The following ARHGEF12 variants were observed in gnomAD, a reference collection of about 807,000 sequenced individuals.
The protein encoded by ARHGEF12 is Rho guanine nucleotide exchange factor 12, also known as KMT2A/ARHGEF12 fusion protein.
Under a neutral mutation model 211.2 loss-of-function variants are expected in ARHGEF12, and 66 were observed. The ratio of observed to expected loss-of-function variants is 0.31; its 90% CI spans 0.26 to 0.38. The LOEUF is 0.38. Ranked by LOEUF, ARHGEF12 falls within the 10% of genes least tolerant of loss-of-function variation. The pLI is 1.00. For missense variants in ARHGEF12, 1,429 were observed against 1,869.5 expected (o/e 0.76, Z 4.34); for synonymous variants, 592 against 638.4 (o/e 0.93, Z 1.09).
At chr11:120,440,381 T>A (rs1176400432) in intron 13 of ARHGEF12, among the ~76,000 whole-genome samples, 160 bp downstream of exon 13, 1 of 152,194 alleles carries the variant, frequency 6.6e-6, no homozygotes, top group Non-Finnish European at 1.5e-5. Context: ...TATTTTAGCT[T>A]TGACCAACAG....
intron 15 of ARHGEF12, among the ~76,000 whole-genome samples, chr11:120,443,326 G>A (rs1432819258): frequency 6.6e-6 from 1 of 151,986 alleles, no homozygotes; most frequent in Non-Finnish European, 1.5e-5. Flanking sequence ...GGCCTTGATT[G>A]TCCATCTTTT....
At chr11:120,433,307 C>T (rs1945601676) in intron 11 of ARHGEF12, among the ~76,000 whole-genome samples, 1 of 152,132 alleles carries the variant, frequency 6.6e-6, no homozygotes, top group African/African-American at 2.4e-5. Context: ...GGCAACCTGG[C>T]ATATTAGGGT....
At position 120,489,878 on chromosome 11, in the gene ARHGEF12, T is replaced by G. The variant is rs1042062978; in HGVS notation, c.*4801T>G. 1 of 183,540 alleles carries G rather than the reference T, an allele frequency of 5.4e-6. No homozygotes were observed. The highest frequency in any genetic ancestry group is 2.4e-5 in the African/African-American group (1 of 42,540). 11.4% of individuals were successfully genotyped at this position (183,540 alleles called of 1,614,324 possible). A position where few individuals can be genotyped will look rare whatever the true frequency, so the allele number is the denominator to read the frequency against. On this transcript the variant is annotated 3_prime_UTR_variant, in exon 41 of 41. Transcript: ENST00000397843. ...AAAGAAATACCTGTACCATTCCCAC[T>G]TGCTCTTTGATAGCCACCTCCTAGG...
intron 22 of ARHGEF12, among the ~76,000 whole-genome samples, chr11:120,452,076 GTATT>G (rs887010728): frequency 3.9e-5 from 6 of 152,212 alleles, no homozygotes; most frequent in Non-Finnish European, 7.3e-5. Flanking sequence ...GGTAAAGGGA[GTATT>G]GAGGGAACTG....
At chr11:120,421,561 C>T (rs1945192303) in intron 5 of ARHGEF12, among the ~76,000 whole-genome samples, 1 of 151,444 alleles carries the variant, frequency 6.6e-6, no homozygotes, top group Non-Finnish European at 1.5e-5. Context: ...CCTCAGCCTG[C>T]CGAGCAGCTG....
Position 120,448,225 on chromosome 11 carries a change from C to G in ARHGEF12, c.1623-9C>G, listed in dbSNP as rs756849687. ...GAAGTCTTAATTTACTTCGTCCTTT[C>G]TCCTCCAGCTCCACCATGCAGTATG... On this transcript the variant is annotated splice_polypyrimidine_tract_variant and intron_variant, in intron 19 of 40. Coordinates refer to ENST00000397843, the MANE Select transcript of ARHGEF12 (RefSeq NM_015313.3). 6.3e-7 allele frequency: 1 copy of G among 1,596,760 alleles called. No individual in the cohort carries two copies. The highest frequency in any genetic ancestry group is 8.6e-7 in the Non-Finnish European group (1 of 1,167,316).
intron 1 of ARHGEF12, among the ~76,000 whole-genome samples, chr11:120,371,657 T>C (rs114807192): frequency 0.012 from 1,899 of 152,162 alleles, 36 homozygotes; most frequent in African/African-American, 0.044. Context: ...AAATAGAAAA[T>C]CAAGTTATTA....
At chr11:120,364,554 C>G (rs1462452096) in intron 1 of ARHGEF12, among the ~76,000 whole-genome samples, 2 of 152,144 alleles carry the variant, frequency 1.3e-5, no homozygotes, top group South Asian at 4.1e-4. Context: ...CAAAGAGGAA[C>G]CAATGTAAGT....
chr11:120,423,346 G>T (rs1945252650), intron 6 of ARHGEF12, among the ~76,000 whole-genome samples: 1 of 152,078 alleles, frequency 6.6e-6, no homozygotes, highest in Non-Finnish European at 1.5e-5. Flanking sequence ...CTGTGAATAT[G>T]TATCAAAAGC....
chr11:120,363,655 A>G (rs1943340917), intron 1 of ARHGEF12, among the ~76,000 whole-genome samples: 1 of 152,244 alleles, frequency 6.6e-6, no homozygotes, highest in African/African-American at 2.4e-5. Flanking sequence ...GCTAACCAGC[A>G]AGATAATGTC....
chr11:120,430,530 A>G (rs1945493316), intron 10 of ARHGEF12, among the ~76,000 whole-genome samples: 4 of 152,222 alleles, frequency 2.6e-5, no homozygotes, highest in Admixed American at 2.0e-4. Context: ...CTCAGCATTT[A>G]TATGTTAACC....
chr11:120,362,872 G>A (rs896494782), intron 1 of ARHGEF12, among the ~76,000 whole-genome samples: 6 of 151,884 alleles, frequency 4.0e-5, no homozygotes, highest in Admixed American at 6.6e-5. Context: ...AGGCCGAGGC[G>A]GGCGGATCAT....
At chr11:120,454,333 A>T (rs1946300240) in intron 22 of ARHGEF12, among the ~76,000 whole-genome samples, 1 of 152,232 alleles carries the variant, frequency 6.6e-6, no homozygotes, top group East Asian at 1.9e-4. Flanking sequence ...TCCCTACAAG[A>T]GAAAGATAAT....
chr11:120,469,163 T>C, intron 29 of ARHGEF12, 125 bp from the exon 30 acceptor site: 1 of 701,550 alleles, frequency 1.4e-6, no homozygotes, highest in Non-Finnish European at 2.3e-6. Flanking sequence ...TTTAAGCTGG[T>C]ACAAAAATCT....
At position 120,485,148 on chromosome 11, in the gene ARHGEF12, C is replaced by T; in HGVS notation, c.*71C>T. On this transcript the variant is annotated 3_prime_UTR_variant, in exon 41 of 41. Transcript: ENST00000397843. The stretch of plus-strand genomic sequence containing the variant: ...TCGGCCGTGTCTCACCACATCCTGG[C>T]TCCAGTGTGGATGCAGAGAGAGTGT... The T allele has an allele frequency of 1.9e-6, 3 of 1,587,242 alleles. No individual in the cohort carries two copies. The South Asian group carries it at 3.3e-5, about 18-fold the overall frequency.
chr11:120,337,052 A>G lies in ARHGEF12; in HGVS notation c.-192A>G, dbSNP rs1942371126. The G allele has an allele frequency of 1.6e-6, 1 of 640,390 alleles. No individual in the cohort carries two copies. The highest frequency in any genetic ancestry group is 2.8e-6 in the Non-Finnish European group (1 of 358,508). 39.7% of individuals were successfully genotyped at this position (640,390 alleles called of 1,614,324 possible). ...GCTTTCTCAGTTCGTTTTGGGAGATAACTTGTTTTGCTCCAAGCCGCATCC... is the reference window on the plus strand; with the variant it reads ...GCTTTCTCAGTTCGTTTTGGGAGATGACTTGTTTTGCTCCAAGCCGCATCC... On this transcript the variant is annotated 5_prime_UTR_variant, in exon 1 of 41. The change creates a new upstream start codon in the 5' untranslated region. Coordinates refer to ENST00000397843, the MANE Select transcript of ARHGEF12 (RefSeq NM_015313.3).
At chr11:120,442,632 GAA>G (rs1296666851) in intron 15 of ARHGEF12, among the ~76,000 whole-genome samples, 1 of 152,052 alleles carries the variant, frequency 6.6e-6, no homozygotes, top group African/African-American at 2.4e-5. Flanking sequence ...AAAAGTGGCA[GAA>G]AAGATTTCAC....
intron 22 of ARHGEF12, among the ~76,000 whole-genome samples, chr11:120,456,637 A>G (rs1165046086): frequency 6.6e-6 from 1 of 152,178 alleles, no homozygotes; most frequent in Non-Finnish European, 1.5e-5. Context: ...CTCATCATAT[A>G]CTCTTCTGCA....
In ARHGEF12 at chr11:120,383,797, CT is replaced by C. The variant is rs148543277; in HGVS notation, c.33-22320del. 6.5e-3 allele frequency among the ~76,000 whole-genome samples: 991 copies of C among 152,166 alleles called. 9 individuals carry two copies. The highest frequency in any genetic ancestry group is 0.023 in the African/African-American group (939 of 41,516). ...TCTGTGGCCCAGGAGTTGGAGACCC[CT>C]GTCCTAGAGTACACAGTGAAAAAGT... is the stretch of plus-strand genomic sequence containing the variant. On this transcript the variant is annotated intron_variant, in intron 1 of 40. Transcript: ENST00000397843.
Sources: allele counts gnomAD v4.1 joint callset (sites outside exome capture counted in the v4.1 genomes callset), GRCh38; gene constraint gnomAD v4.1.1; transcripts MANE v1.5; gene names NCBI Gene and HGNC (gene_info 2026-07-23, HGNC 2026-07-21).